Variants in CCDC141 observed in about 807,000 individuals in gnomAD.
The protein encoded by CCDC141 is coiled-coil domain-containing protein 141.
CCDC141 carries 168 observed loss-of-function variants against 181.0 expected under a neutral mutation model. The ratio of observed to expected loss-of-function variants is 0.93; its 90% CI spans 0.82 to 1.05. The LOEUF (loss-of-function observed/expected upper bound fraction) is 1.05, where lower values mean the gene tolerates loss of function less well. Among genes scored for constraint, CCDC141 ranks in the 50% least tolerant of loss-of-function variants. The pLI is 0.00. For missense variants in CCDC141, 1,902 were observed against 1,788.5 expected, an observed-to-expected ratio of 1.06 and a Z score of -1.14; for synonymous variants, 666 against 642.3, an observed-to-expected ratio of 1.04 and a Z score of -0.56.
At chr2:178,905,617 C>CA (rs1474475494) in intron 7 of CCDC141, 116 bp from the exon 8 acceptor site, 2 of 935,626 alleles carry the variant, frequency 2.1e-6, no homozygotes, top group Non-Finnish European at 3.0e-6. Context: ...TTCATTATAA[C>CA]AAAAAACAAC....
chr2:178,885,138 T>C (rs781531490), intron 10 of CCDC141, 46 bp from the exon 11 acceptor site: 6 of 1,349,070 alleles, frequency 4.4e-6, no homozygotes, highest in Non-Finnish European at 5.1e-6. Flanking sequence ...AGGGGAATCA[T>C]GAACATTCAC....
At position 178,853,604 on chromosome 2, in the gene CCDC141, A is replaced by G. The variant is rs754410998; in HGVS notation, c.3081T>C (p.Asp1027=). The G allele has an allele frequency of 1.2e-6, 2 of 1,612,686 alleles. No homozygotes were observed. Among genetic ancestry groups the G allele is most frequent in the East Asian group, 4.5e-5 (2 of 44,840 alleles). ...CAACTCTTACAACTGTGGCACTTGC[A>G]TCTTCGTACCAAAAATGACACTAAA... The part of the protein sequence containing the change: ...VIEECHFWYE[D]ASATVVRVGK... The change falls in exon 20 of 24, where the codon GAT becomes GAC. Residue 1027 remains aspartate (D), a synonymous_variant. Transcript: ENST00000443758.
At chr2:178,877,456 T>C (rs1425162815) in intron 12 of CCDC141, 1 of 152,724 alleles carries the variant, frequency 6.5e-6, no homozygotes, top group Non-Finnish European at 1.5e-5. Flanking sequence ...GGGAATTTTA[T>C]ATGGGTTATG....
chr2:178,855,710 T>C (rs193119395), intron 18 of CCDC141, among the ~76,000 whole-genome samples, 169 bp from the exon 19 acceptor site: 1 of 152,382 alleles, frequency 6.6e-6, no homozygotes, highest in East Asian at 1.9e-4. Flanking sequence ...CCCCAAATTC[T>C]ATTGATTTAG....
chr2:179,008,613 C>T (rs745846690), intron 2 of CCDC141, among the ~76,000 whole-genome samples: 11 of 152,168 alleles, frequency 7.2e-5, no homozygotes, highest in African/African-American at 2.7e-4. Context: ...AGCTGCGAAT[C>T]TCTTCTTTTA....
At chr2:178,984,444 G>C (rs1691608853) in intron 2 of CCDC141, among the ~76,000 whole-genome samples, 1 of 151,302 alleles carries the variant, frequency 6.6e-6, no homozygotes, top group Non-Finnish European at 1.5e-5. Flanking sequence ...CATAATGACA[G>C]GATCAAATTC....
At chr2:178,953,155 G>A (rs571786352) in intron 5 of CCDC141, among the ~76,000 whole-genome samples, 13 of 152,248 alleles carry the variant, frequency 8.5e-5, no homozygotes, top group Admixed American at 2.0e-4. Flanking sequence ...GTTCACATTC[G>A]GCTGGGCGTG....
chr2:178,827,459 T>A (rs1490225994), downstream of CCDC141, among the ~76,000 whole-genome samples: 1 of 152,158 alleles, frequency 6.6e-6, no homozygotes, highest in Non-Finnish European at 1.5e-5. Flanking sequence ...TTATATTGTA[T>A]ATATTCTTAC....
chr2:178,954,709 A>C (rs575715333), intron 5 of CCDC141, among the ~76,000 whole-genome samples: 2 of 152,258 alleles, frequency 1.3e-5, no homozygotes, highest in South Asian at 4.1e-4. Context: ...TTTTCTACTT[A>C]ATTTCCCTTT....
chr2:178,902,119 T>C (rs1231865168), intron 8 of CCDC141, among the ~76,000 whole-genome samples: 1 of 152,156 alleles, frequency 6.6e-6, no homozygotes, highest in African/African-American at 2.4e-5. Flanking sequence ...TACAAACAAA[T>C]GGAAGAACAT....
chr2:179,003,260 G>A (rs1163986494), intron 2 of CCDC141, among the ~76,000 whole-genome samples: 1 of 152,126 alleles, frequency 6.6e-6, no homozygotes. Context: ...TTCTCCAGTG[G>A]TGGAGATGAA....
chr2:178,857,724 A>G (rs1685446959), intron 17 of CCDC141, among the ~76,000 whole-genome samples: 1 of 152,224 alleles, frequency 6.6e-6, no homozygotes. Flanking sequence ...GCAAGAGTGA[A>G]CAATGTCATG....
rs551796513 is a variant in CCDC141 at position 178,994,798 on chromosome 2, A to G, written c.226-16123T>C. ...GCTGCTTAAAAATTTCTTCCACCAT[A>G]TGCCCTAAATCATCTATCTCAAGTT... On this transcript the variant is annotated intron_variant, in intron 2 of 23. Coordinates refer to ENST00000443758, the MANE Select transcript of CCDC141 (RefSeq NM_173648.4). 2.0e-5 allele frequency among the ~76,000 whole-genome samples: 3 copies of G among 152,252 alleles called. No homozygotes were observed. The South Asian group carries it at 6.2e-4, about 32-fold the overall frequency.
intron 5 of CCDC141, among the ~76,000 whole-genome samples, chr2:178,946,912 TC>T (rs1414042119): frequency 6.6e-6 from 1 of 152,208 alleles, no homozygotes; most frequent in Admixed American, 6.5e-5. Context: ...ACTCTCTAGA[TC>T]TACAAATTTT....
chr2:178,860,884 T>C (rs1685583928), intron 17 of CCDC141, among the ~76,000 whole-genome samples: 1 of 152,228 alleles, frequency 6.6e-6, no homozygotes, highest in Non-Finnish European at 1.5e-5. Flanking sequence ...CTTCATAATA[T>C]GTTAAGTTTT....
At chr2:178,960,773 T>C (rs1417327351) in intron 5 of CCDC141, among the ~76,000 whole-genome samples, 2 of 152,376 alleles carry the variant, frequency 1.3e-5, no homozygotes, top group East Asian at 3.9e-4. Flanking sequence ...TCATATTTTT[T>C]GATTGGCATC....
chr2:178,878,979 T>C (rs1686474339), intron 11 of CCDC141, among the ~76,000 whole-genome samples: 1 of 152,192 alleles, frequency 6.6e-6, no homozygotes. Flanking sequence ...TAAAAAAGTA[T>C]AAATAATTAC....
At position 178,834,158 on chromosome 2, in the gene CCDC141, G is replaced by A. The variant is rs149753504; in HGVS notation, c.*15C>T. ...AGGCACATGAGAATGATGTCCATTG[G>A]TGCCAACACCACAGTTATTGTGTGA... On this transcript the variant is annotated 3_prime_UTR_variant, in exon 24 of 24. Transcript: ENST00000443758. 2.4e-3 allele frequency: 3,647 copies of A among 1,531,564 alleles called. 52 individuals are homozygous for A. Among genetic ancestry groups the A allele is most frequent in the South Asian group, 0.021 (1,783 of 83,960 alleles). The allele number at this position is 1,531,564 out of a possible 1,614,324, so 94.9% of individuals were successfully genotyped here. A position where few individuals can be genotyped will look rare whatever the true frequency, so the allele number is the denominator to read the frequency against.
intron 3 of CCDC141, among the ~76,000 whole-genome samples, chr2:178,976,028 C>A (rs562498393): frequency 6.6e-6 from 1 of 151,976 alleles, no homozygotes; most frequent in Non-Finnish European, 1.5e-5. Flanking sequence ...TGTCTTTTTT[C>A]TTTTTCTCCA....
Sources: gnomAD v4.1 joint callset for allele counts (sites outside exome capture counted in the v4.1 genomes callset) on GRCh38, gnomAD v4.1.1 for gene constraint, MANE v1.5 for transcripts, NCBI Gene and HGNC (gene_info 2026-07-23, HGNC 2026-07-21) for gene names.